The following MAD1L1 variants were observed in gnomAD, a reference collection of about 807,000 sequenced individuals.
The protein encoded by MAD1L1 is mitotic spindle assembly checkpoint protein MAD1.
In MAD1L1, 95 loss-of-function variants were observed where a neutral mutation model predicts 96.9. The observed-to-expected ratio is 0.98, with a 90% CI of 0.83 to 1.16. MAD1L1 has a LOEUF of 1.16. Among genes scored for constraint, MAD1L1 ranks in the 50% most tolerant of loss-of-function variants. The pLI is 0.00. For missense variants in MAD1L1, 1,007 were observed against 954.4 expected, an observed-to-expected ratio of 1.06 and a Z score of -0.73; for synonymous variants, 473 against 396.6, an observed-to-expected ratio of 1.19 and a Z score of -2.29.
At chr7:2,030,061 G>A (rs1385186224) in intron 12 of MAD1L1, among the ~76,000 whole-genome samples, 1 of 152,222 alleles carries the variant, frequency 6.6e-6, no homozygotes, top group Non-Finnish European at 1.5e-5. Flanking sequence ...TCAGGGAGCA[G>A]ATGGAAATCG....
At chr7:2,127,431 G>A (rs1349648727) in intron 11 of MAD1L1, among the ~76,000 whole-genome samples, 1 of 152,198 alleles carries the variant, frequency 6.6e-6, no homozygotes, top group African/African-American at 2.4e-5. Flanking sequence ...TCTCCTGAGG[G>A]CAATGGACAC....
At chr7:2,106,412 T>TC (rs1456508605) in intron 11 of MAD1L1, among the ~76,000 whole-genome samples, 1 of 145,992 alleles carries the variant, frequency 6.8e-6, no homozygotes, top group African/African-American at 2.6e-5. Flanking sequence ...TCACTCACTC[T>TC]CCCCCTTTCC....
At chr7:2,074,823 G>T (rs1785298883) in intron 11 of MAD1L1, among the ~76,000 whole-genome samples, 2 of 152,228 alleles carry the variant, frequency 1.3e-5, no homozygotes, top group Non-Finnish European at 2.9e-5. Context: ...GACACTGGAG[G>T]GGAAACCGGA....
At chr7:1,838,412 C>T (rs1783049014) in intron 18 of MAD1L1, among the ~76,000 whole-genome samples, 1 of 152,224 alleles carries the variant, frequency 6.6e-6, no homozygotes, top group Non-Finnish European at 1.5e-5. Flanking sequence ...GTAATAGCCC[C>T]AAACGGAAGC....
chr7:1,998,082 G>C (rs1344136575), intron 14 of MAD1L1, among the ~76,000 whole-genome samples: 1 of 152,150 alleles, frequency 6.6e-6, no homozygotes, highest in Non-Finnish European at 1.5e-5. Flanking sequence ...GGCTAAAAAA[G>C]AGAAAAAACA....
rs114534017 is a variant in MAD1L1 at position 2,067,554 on chromosome 7, G to A, written c.1218+1640C>T. Among the ~76,000 whole-genome samples the A allele has an allele frequency of 4.2e-3, 634 of 152,246 alleles. 6 individuals carry two copies. The highest frequency in any genetic ancestry group is 6.8e-3 in the Middle Eastern group (2 of 294). On this transcript the variant is annotated intron_variant, in intron 12 of 18. Coordinates refer to ENST00000265854, the MANE Select transcript of MAD1L1 (RefSeq NM_001013836.2). ...TCTGCTTCCCGGGCCTCTCCTCGGC[G>A]GCAGGGTCGGGCTGCACTTGCCTGA...
At chr7:1,854,262 C>G (rs1013713205) in intron 18 of MAD1L1, 5 of 389,274 alleles carry the variant, frequency 1.3e-5, no homozygotes, top group Non-Finnish European at 5.1e-6. Flanking sequence ...GTACTGAGCC[C>G]GCTGGGGCTG....
chr7:1,860,899 T>A (rs566267974), intron 18 of MAD1L1, among the ~76,000 whole-genome samples: 2 of 152,290 alleles, frequency 1.3e-5, no homozygotes, highest in African/African-American at 4.8e-5. Context: ...CAGCTCCAGC[T>A]CATGGCAGAC....
At chr7:1,920,345 TGGAGCAGCGACAGTGTGTGGGA>T (rs1327024746) in intron 17 of MAD1L1, among the ~76,000 whole-genome samples, 2 of 152,162 alleles carry the variant, frequency 1.3e-5, no homozygotes, top group Admixed American at 1.3e-4. Context: ...TGTCTGCAGA[TGGAGCAGCGACAGTGTGTGGGA>T]GGAGCAGGGG....
intron 13 of MAD1L1, among the ~76,000 whole-genome samples, chr7:2,004,950 G>A (rs562389201): frequency 6.6e-6 from 1 of 152,190 alleles, no homozygotes; most frequent in Non-Finnish European, 1.5e-5. Flanking sequence ...AGCCACAGTC[G>A]CTGGCGAAAG....
intron 18 of MAD1L1, among the ~76,000 whole-genome samples, chr7:1,885,160 T>G (rs1318590505): frequency 2.0e-5 from 3 of 152,146 alleles, no homozygotes; most frequent in Non-Finnish European, 4.4e-5. Context: ...AGGACCTCGC[T>G]GCTCCAGCCT....
chr7:1,977,100 C>A (rs1157296635), intron 15 of MAD1L1, among the ~76,000 whole-genome samples: 1 of 152,252 alleles, frequency 6.6e-6, no homozygotes, highest in African/African-American at 2.4e-5. Context: ...GCCAGTCCCA[C>A]GTCACACGCC....
chr7:2,161,701 G>C (rs1790139601), intron 10 of MAD1L1, among the ~76,000 whole-genome samples: 1 of 151,336 alleles, frequency 6.6e-6, no homozygotes, highest in Non-Finnish European at 1.5e-5. Context: ...GATGTGGGGA[G>C]CGCCTCTGCC....
chr7:1,861,031 G>C (rs538015820), intron 18 of MAD1L1, among the ~76,000 whole-genome samples: 1 of 152,312 alleles, frequency 6.6e-6, no homozygotes, highest in African/African-American at 2.4e-5. Flanking sequence ...CCCTCCCCTC[G>C]GAAGCCGTCA....
At position 2,088,375 on chromosome 7, in the gene MAD1L1, C is replaced by T. The variant is rs1033736218; in HGVS notation, c.1074-19037G>A. Reference sequence around the variant, plus strand: ...GTGTCGGCGCCAGCCCTCCAACCTTCTGGCCCACACTGAGCCACCTATTCC... The same window carrying T: ...GTGTCGGCGCCAGCCCTCCAACCTTTTGGCCCACACTGAGCCACCTATTCC... On this transcript the variant is annotated intron_variant, in intron 11 of 18. Coordinates refer to ENST00000265854, the MANE Select transcript of MAD1L1 (RefSeq NM_001013836.2). The surrounding 1 kb of genome is among the most constrained non-coding windows in gnomAD (Gnocchi z 4.4). 1.3e-5 allele frequency among the ~76,000 whole-genome samples: 2 copies of T among 152,200 alleles called. No homozygotes were observed. The highest frequency in any genetic ancestry group is 4.8e-5 in the African/African-American group (2 of 41,440).
intron 13 of MAD1L1, among the ~76,000 whole-genome samples, chr7:2,009,049 G>A (rs567783459): frequency 1.6e-4 from 25 of 152,150 alleles, no homozygotes; most frequent in Non-Finnish European, 3.1e-4. Flanking sequence ...CCCTGGCACC[G>A]AGTGACCAGG....
chr7:2,026,635 GAAGA>G (rs1783007430), intron 12 of MAD1L1, among the ~76,000 whole-genome samples: 1 of 152,114 alleles, frequency 6.6e-6, no homozygotes, highest in Admixed American at 6.5e-5. Flanking sequence ...AAATCAATAA[GAAGA>G]TACCTGAAAA....
chr7:2,015,690 C>T (rs966863670), intron 12 of MAD1L1, among the ~76,000 whole-genome samples: 5 of 152,222 alleles, frequency 3.3e-5, no homozygotes, highest in Admixed American at 6.5e-5. Context: ...CGCAGGCTGG[C>T]GACCTTCTCC....
rs745965620 is a variant in MAD1L1, at chr7:2,222,762, G to A, written c.292-8C>T. The A allele has an allele frequency of 6.3e-7, 1 of 1,579,230 alleles. No homozygotes were observed. The highest frequency in any genetic ancestry group is 8.6e-7 in the Non-Finnish European group (1 of 1,166,098). ...GTTGCGGTCGACCTCACGCTGTTAA[G>A]AGAGCAAGAGTCAGATGCCACGTGC... is the stretch of plus-strand genomic sequence containing the variant. On this transcript the variant is annotated splice_polypyrimidine_tract_variant and splice_region_variant and intron_variant, in intron 4 of 18. Transcript: ENST00000265854.
Sources: allele counts gnomAD v4.1 joint callset (sites outside exome capture counted in the v4.1 genomes callset), GRCh38; gene constraint gnomAD v4.1.1; non-coding constraint Gnocchi (gnomAD v3.1); transcripts MANE v1.5; gene names NCBI Gene and HGNC (gene_info 2026-07-23, HGNC 2026-07-21).